Variants in PLXNA4 observed in about 807,000 individuals in gnomAD.
The protein encoded by PLXNA4 is plexin A4, also known as plexin-A4.
Under a neutral mutation model 191.8 loss-of-function variants are expected in PLXNA4, and 44 were observed. The ratio of observed to expected loss-of-function variants is 0.23; its 90% CI spans 0.18 to 0.29. The LOEUF (loss-of-function observed/expected upper bound fraction) is 0.29, where lower values mean the gene tolerates loss of function less well. Ranked by LOEUF, PLXNA4 falls within the 10% of genes least tolerant of loss-of-function variation. The probability of loss-of-function intolerance (pLI) is 1.00; values close to 1 mark genes in which losing one functional copy is unlikely to be tolerated. For synonymous variants in PLXNA4, 1,082 were observed against 1,009.5 expected, an observed-to-expected ratio of 1.07 and a Z score of -1.36; for missense variants, 1,800 against 2,488.8, an observed-to-expected ratio of 0.72 and a Z score of 5.89.
intron 4 of PLXNA4, among the ~76,000 whole-genome samples, chr7:132,280,780 T>G (rs556725502): frequency 1.3e-5 from 2 of 152,172 alleles, no homozygotes; most frequent in Non-Finnish European, 2.9e-5. Context: ...AACAGAAAAG[T>G]GAAATTCAGA....
At chr7:132,194,235 G>A in intron 13 of PLXNA4, 56 bp from the exon 14 acceptor site, 2 of 1,550,600 alleles carry the variant, frequency 1.3e-6, no homozygotes, top group Non-Finnish European at 8.8e-7. Flanking sequence ...CCAAGACCCT[G>A]CACCCCACAG....
chr7:132,240,289 G>A (rs184636963), intron 5 of PLXNA4, among the ~76,000 whole-genome samples: 1 of 152,300 alleles, frequency 6.6e-6, no homozygotes, highest in Admixed American at 6.5e-5. Flanking sequence ...AGGGTCTTCG[G>A]ATCCCCAAAG....
chr7:132,190,427 C>A (rs764486582), intron 14 of PLXNA4, among the ~76,000 whole-genome samples: 5 of 152,192 alleles, frequency 3.3e-5, no homozygotes, highest in Non-Finnish European at 5.9e-5. Context: ...AGGAAACATC[C>A]TTTCTCCTAG....
At chr7:132,521,123 C>A (rs982601569) in intron 1 of PLXNA4, among the ~76,000 whole-genome samples, 4 of 145,238 alleles carry the variant, frequency 2.8e-5, no homozygotes, top group Non-Finnish European at 4.5e-5. Flanking sequence ...TGCTGAAAAT[C>A]TTGGCAGAAA....
chr7:132,360,748 A>G (rs1020751759), intron 3 of PLXNA4, among the ~76,000 whole-genome samples: 12 of 152,266 alleles, frequency 7.9e-5, no homozygotes, highest in African/African-American at 2.4e-4. Flanking sequence ...GCTTGTAGAG[A>G]GAGAGACAGT....
chr7:132,307,342 T>C (rs1801563863), intron 3 of PLXNA4, among the ~76,000 whole-genome samples: 1 of 152,174 alleles, frequency 6.6e-6, no homozygotes, highest in Admixed American at 6.5e-5. Context: ...TGTCCTGCGT[T>C]CATTTATGAT....
chr7:132,378,396 C>A (rs959434419), intron 3 of PLXNA4, among the ~76,000 whole-genome samples: 1 of 152,184 alleles, frequency 6.6e-6, no homozygotes, highest in Non-Finnish European at 1.5e-5. Flanking sequence ...GTGATTATTT[C>A]TTGAGTCATT....
At chr7:132,145,604 A>G in intron 28 of PLXNA4, 1 of 352,460 alleles carries the variant, frequency 2.8e-6, no homozygotes, top group Non-Finnish European at 5.3e-6. Context: ...ATGCTAATGA[A>G]CACTCACTTG....
At position 132,425,698 on chromosome 7, in the gene PLXNA4, G is replaced by A. The variant is rs541497811; in HGVS notation, c.1371+63594C>T. Among the ~76,000 whole-genome samples, 35 of 148,608 alleles carry A rather than the reference G, an allele frequency of 2.4e-4. No individual in the cohort carries two copies. In the South Asian group the frequency reaches 7.1e-3, roughly 30 times the overall value. On this transcript the variant is annotated intron_variant, in intron 3 of 31. Coordinates refer to ENST00000321063, the MANE Select transcript of PLXNA4 (RefSeq NM_020911.2). The stretch of plus-strand genomic sequence containing the variant: ...GAAAAGGGCAGAGGACAAAGAGAGA[G>A]GAGAAGGACAGGGGAAACAGAGAAG...
chr7:132,551,250 C>A (rs1228079694), intron 1 of PLXNA4, among the ~76,000 whole-genome samples: 1 of 152,148 alleles, frequency 6.6e-6, no homozygotes, highest in East Asian at 1.9e-4. Context: ...CTCTCTTGAC[C>A]AGATACAGAA....
At chr7:132,275,639 G>C (rs10954369) in intron 4 of PLXNA4, among the ~76,000 whole-genome samples, 98,384 of 151,992 alleles carry the variant, frequency 0.65, 33,804 homozygotes, top group African/African-American at 0.89. Context: ...GTCCCAGAAA[G>C]AAACAAAGGG....
At chr7:132,282,059 T>C (rs747171928) in intron 4 of PLXNA4, among the ~76,000 whole-genome samples, 4 of 152,308 alleles carry the variant, frequency 2.6e-5, no homozygotes, top group Non-Finnish European at 5.9e-5. Flanking sequence ...CTCTAATGCA[T>C]GAATGACTGA....
At chr7:132,480,352 G>A (rs1307522035) in intron 3 of PLXNA4, among the ~76,000 whole-genome samples, 1 of 152,180 alleles carries the variant, frequency 6.6e-6, no homozygotes, top group Non-Finnish European at 1.5e-5. Context: ...CCAGGTGACT[G>A]GGAGTCACAA....
chr7:132,309,178 G>C (rs1172159545), intron 3 of PLXNA4, among the ~76,000 whole-genome samples: 4 of 152,178 alleles, frequency 2.6e-5, no homozygotes, highest in Non-Finnish European at 5.9e-5. Flanking sequence ...ACTCAGGAGA[G>C]ACTCAGAAAG....
At position 132,609,717 on chromosome 7, in the gene PLXNA4, T is replaced by C. The variant is rs114817761; in HGVS notation, c.-87+36211A>G. ...CCACACAGCTAGTAAGTACCAGAGCTAAGATTTGAACCTCTGGCTGTCTGA... is the reference window on the plus strand; with the variant it reads ...CCACACAGCTAGTAAGTACCAGAGCCAAGATTTGAACCTCTGGCTGTCTGA... On this transcript the variant is annotated intron_variant, in intron 2 of 4. Transcript: ENST00000378539. Among the ~76,000 whole-genome samples the C allele has an allele frequency of 5.4e-3, 830 of 152,352 alleles. 5 individuals carry two copies. The highest frequency in any genetic ancestry group is 0.019 in the African/African-American group (803 of 41,586).
chr7:132,277,849 T>C (rs1167548072), intron 4 of PLXNA4, among the ~76,000 whole-genome samples: 2 of 152,206 alleles, frequency 1.3e-5, no homozygotes, highest in Admixed American at 1.3e-4. Flanking sequence ...GTCTCAACTA[T>C]GCAACTCTGC....
intron 3 of PLXNA4, among the ~76,000 whole-genome samples, chr7:132,428,221 G>A (rs1336406837): frequency 6.6e-6 from 1 of 152,098 alleles, no homozygotes; most frequent in Admixed American, 6.5e-5. Flanking sequence ...CCTTTCCTGG[G>A]GCTCTGGCCC....
intron 3 of PLXNA4, among the ~76,000 whole-genome samples, chr7:132,388,830 T>C (rs1028763256): frequency 3.3e-5 from 5 of 152,168 alleles, no homozygotes; most frequent in African/African-American, 9.7e-5. Context: ...TTCTACAAGA[T>C]TCTAGGAAGC....
At chr7:132,624,478 G>T (rs1803331813) in intron 2 of PLXNA4, among the ~76,000 whole-genome samples, 2 of 152,166 alleles carry the variant, frequency 1.3e-5, no homozygotes, top group South Asian at 4.1e-4. Context: ...TATGCCAGAG[G>T]TCACATGGGG....
Sources: gnomAD v4.1 joint callset for allele counts (sites outside exome capture counted in the v4.1 genomes callset) on GRCh38, gnomAD v4.1.1 for gene constraint, MANE v1.5 for transcripts, NCBI Gene and HGNC (gene_info 2026-07-23, HGNC 2026-07-21) for gene names.